Variants in PDK2 observed in about 807,000 individuals in gnomAD.
PDK2 encodes the protein pyruvate dehydrogenase kinase 2, also known as pyruvate dehydrogenase kinase, isozyme 2.
PDK2 carries 34 observed loss-of-function variants against 50.4 expected under a neutral mutation model. That is an observed-to-expected ratio of 0.68 (90% CI 0.51 to 0.90). The LOEUF (loss-of-function observed/expected upper bound fraction) is 0.90, where lower values mean the gene tolerates loss of function less well. PDK2 is among the 40% of genes least tolerant of loss of function. PDK2 has a pLI of 0.00. For missense variants in PDK2, 377 were observed against 544.5 expected (o/e 0.69, Z 3.06); for synonymous variants, 232 against 216.0 (o/e 1.07, Z -0.65).
chr17:50,095,781 C>T, intron 1 of PDK2: 1 of 1,372,276 alleles, frequency 7.3e-7, no homozygotes, highest in Admixed American at 3.2e-5. Flanking sequence ...CCCGAGGTTT[C>T]TTCGTGGGCC....
chr17:50,095,641 A>G lies in PDK2; in HGVS notation c.118+88A>G, dbSNP rs557967156. 3.3e-5 allele frequency: 50 copies of G among 1,501,148 alleles called. No homozygotes were observed. In the South Asian group the frequency reaches 5.6e-4, roughly 17 times the overall value. The allele number at this position is 1,501,148 out of a possible 1,614,324, so 93.0% of individuals were successfully genotyped here. A position where few individuals can be genotyped will look rare whatever the true frequency, so the allele number is the denominator to read the frequency against. On this transcript the variant is annotated intron_variant, in intron 1 of 10. Transcript: ENST00000503176. ...GGGGCTAGGGGGACGGAGGAGAAGA[A>G]AGGCCCCGAGTGACAGAGAAGGGTT... is the stretch of plus-strand genomic sequence containing the variant.
Position 50,108,359 on chromosome 17 carries a change from T to G in PDK2, c.803T>G (p.Leu268Arg), listed in dbSNP as rs745561096. ...RATVESHESS[L>R]ILPPIKVMVA... Reference sequence around the variant, plus strand: ...ACTGTGGAAAGCCATGAGTCCAGCCTCATTCTCCCACCCATCAAGGTCATG... The same window carrying G: ...ACTGTGGAAAGCCATGAGTCCAGCCGCATTCTCCCACCCATCAAGGTCATG... The change falls in exon 8 of 11, where the codon CTC becomes CGC. Residue 268 changes from leucine (L) to arginine (R), a missense_variant. Leu to Arg is a moderately radical substitution (Grantham distance 102). Coordinates refer to ENST00000503176, the MANE Select transcript of PDK2 (RefSeq NM_002611.5). 2 of 1,614,114 alleles carry G rather than the reference T, an allele frequency of 1.2e-6. No homozygotes were observed. Among genetic ancestry groups the G allele is most frequent in the East Asian group, 2.2e-5 (1 of 44,874 alleles).
Position 50,097,663 on chromosome 17 carries a change from G to A in PDK2, c.260+99G>A, listed in dbSNP as rs913528008. Reference sequence around the variant, plus strand: ...AAGCTTTTAGCAGCTTTGAGGGTGGGGTGGGGACAGACAGGAGACACCAAA... The same window carrying A: ...AAGCTTTTAGCAGCTTTGAGGGTGGAGTGGGGACAGACAGGAGACACCAAA... On this transcript the variant is annotated intron_variant, in intron 2 of 10. Coordinates refer to ENST00000503176, the MANE Select transcript of PDK2 (RefSeq NM_002611.5). 2.1e-6 allele frequency: 3 copies of A among 1,435,922 alleles called. No individual in the cohort carries two copies. The African/African-American group carries it at 4.2e-5, about 20-fold the overall frequency. The allele number at this position is 1,435,922 out of a possible 1,614,324, so 88.9% of individuals were successfully genotyped here.
chr17:50,101,468 GGGACACCGCCACCTCT>G lies in PDK2; in HGVS notation c.261-3902_261-3887del, dbSNP rs1476612146. ...TGCCTGGCTCAGAGGCTCCGGAGGC[GGGACACCGCCACCTCT>G]CCCCCAAGTGCAGCGAGCACCCTCC... On this transcript the variant is annotated intron_variant, in intron 2 of 10. Transcript: ENST00000503176. The surrounding 1 kb of genome is among the most constrained non-coding windows in gnomAD (Gnocchi z 4.2). 6.6e-6 allele frequency among the ~76,000 whole-genome samples: 1 copy of G among 152,102 alleles called. No individual in the cohort carries two copies. The highest frequency in any genetic ancestry group is 1.5e-5 in the Non-Finnish European group (1 of 67,998).
chr17:50,106,147 AC>A, intron 4 of PDK2, 78 bp downstream of exon 4: 1 of 1,545,674 alleles, frequency 6.5e-7, no homozygotes, highest in Non-Finnish European at 8.7e-7. Flanking sequence ...TGCTGAGGGG[AC>A]CTAGACCACT....
chr17:50,096,579 T>C (rs1332915302), intron 1 of PDK2, among the ~76,000 whole-genome samples: 8 of 152,126 alleles, frequency 5.3e-5, no homozygotes, highest in African/African-American at 1.9e-4. Flanking sequence ...TGCCTGAGTC[T>C]TGAGCCTCCC....
In PDK2 at chr17:50,108,223, G is replaced by A; in HGVS notation, c.753G>A (p.Glu251=). Residue 251 remains glutamate (E), a synonymous_variant, in exon 7 of 11, where the codon GAG becomes GAA. Coordinates refer to ENST00000503176, the MANE Select transcript of PDK2 (RefSeq NM_002611.5). ...CCCACCTCTACCACATGCTCTTTGA[G>A]CTCTTCAAGGTGAGGAGGCTGGGAG... ...VPSHLYHMLF[E]LFKNAMRATV... 4 of 1,598,638 alleles carry A rather than the reference G, an allele frequency of 2.5e-6. No individual in the cohort carries two copies. Among genetic ancestry groups the A allele is most frequent in the Admixed American group, 3.5e-5 (2 of 57,790 alleles).
chr17:50,105,360 C>T lies in PDK2; in HGVS notation c.261-11C>T, dbSNP rs1031484313. 3.8e-6 allele frequency: 6 copies of T among 1,592,034 alleles called. No homozygotes were observed. The highest frequency in any genetic ancestry group is 3.6e-5 in the Admixed American group (2 of 55,922). On this transcript the variant is annotated splice_polypyrimidine_tract_variant and intron_variant, in intron 2 of 10. Transcript: ENST00000503176. Reference sequence around the variant, plus strand: ...GAAGCTGAGGCTGTGTCCCCTCCCGCCCCCACACAGGTATGTCCAGAGCCT... The same window carrying T: ...GAAGCTGAGGCTGTGTCCCCTCCCGTCCCCACACAGGTATGTCCAGAGCCT...
At chr17:50,095,597 G>T in intron 1 of PDK2, 44 bp downstream of exon 1, 1 of 1,538,350 alleles carries the variant, frequency 6.5e-7, no homozygotes, top group Non-Finnish European at 8.9e-7. Context: ...GGCCGGCGGG[G>T]CGCTGGGAGG....
At chr17:50,105,260 G>A (rs1248745090) in intron 2 of PDK2, 111 bp from the exon 3 acceptor site, 5 of 627,206 alleles carry the variant, frequency 8.0e-6, no homozygotes, top group Middle Eastern at 3.8e-4. Flanking sequence ...CGGCAGCTCT[G>A]TGTGGGGCCC....
rs1266118914 is a variant in PDK2, at chr17:50,108,448, G to A, written c.861+31G>A. 4 of 1,556,094 alleles carry A rather than the reference G, an allele frequency of 2.6e-6. No homozygotes were observed. The African/African-American group carries it at 4.1e-5, about 16-fold the overall frequency. Reference sequence around the variant, plus strand: ...TGACCCTTTGACCTTGGGGACCAGGGAGCAGTAGTGGGGGCTTCCCTCCTG... The same window carrying A: ...TGACCCTTTGACCTTGGGGACCAGGAAGCAGTAGTGGGGGCTTCCCTCCTG... On this transcript the variant is annotated intron_variant, in intron 8 of 10. Coordinates refer to ENST00000503176, the MANE Select transcript of PDK2 (RefSeq NM_002611.5).
intron 6 of PDK2, 146 bp from the exon 7 acceptor site, chr17:50,108,010 C>T: frequency 1.5e-6 from 1 of 670,866 alleles, no homozygotes; most frequent in South Asian, 1.7e-5. Context: ...CCAGCTACCC[C>T]AGCTCAAGGG....
chr17:50,105,276 GGAGCAGGACAA>G, intron 2 of PDK2, 84 bp from the exon 3 acceptor site: 4 of 779,268 alleles, frequency 5.1e-6, no homozygotes, highest in Non-Finnish European at 5.8e-6. Flanking sequence ...GGCCCGCGTA[GGAGCAGGACAA>G]GAGCAAGGCC....
chr17:50,095,090 G>A (rs1314205064), upstream of PDK2, among the ~76,000 whole-genome samples: 1 of 152,208 alleles, frequency 6.6e-6, no homozygotes, highest in Non-Finnish European at 1.5e-5. Flanking sequence ...GAAGGAAGGG[G>A]TTAACCCGGG....
At chr17:50,099,816 A>G (rs1373244013) in intron 2 of PDK2, among the ~76,000 whole-genome samples, 31 of 152,380 alleles carry the variant, frequency 2.0e-4, no homozygotes, top group Middle Eastern at 3.4e-3. Flanking sequence ...AGAAAGATTC[A>G]GCTTAGAGGA....
chr17:50,103,059 G>A (rs1422611957), intron 2 of PDK2, among the ~76,000 whole-genome samples: 1 of 152,240 alleles, frequency 6.6e-6, no homozygotes, highest in Non-Finnish European at 1.5e-5. Flanking sequence ...GAGAGACCCT[G>A]TGTGGGACTC....
At chr17:50,095,663 G>C in intron 1 of PDK2, 110 bp downstream of exon 1, 1 of 1,483,540 alleles carries the variant, frequency 6.7e-7, no homozygotes, top group Non-Finnish European at 9.0e-7. Flanking sequence ...GACAGAGAAG[G>C]GTTGTTTGGA....
chr17:50,104,773 C>T (rs982127562), intron 2 of PDK2, among the ~76,000 whole-genome samples: 3 of 152,214 alleles, frequency 2.0e-5, no homozygotes, highest in African/African-American at 7.2e-5. Flanking sequence ...GGGTCCTTCC[C>T]ACCTGCCATT....
At position 50,105,455 on chromosome 17, in the gene PDK2, C is replaced by T. The variant is rs1204466125; in HGVS notation, c.332+13C>T. On this transcript the variant is annotated intron_variant, in intron 3 of 10. Coordinates refer to ENST00000503176, the MANE Select transcript of PDK2 (RefSeq NM_002611.5). ...GCACCCTGAGCCAGTGAGTGGGGGC[C>T]CTGGGTGGGGCAGGAAGGCAGGTGT... 6.2e-7 allele frequency: 1 copy of T among 1,611,494 alleles called. No homozygotes were observed. The highest frequency in any genetic ancestry group is 1.3e-5 in the African/African-American group (1 of 74,876).
Sources: gnomAD v4.1 joint callset for allele counts (sites outside exome capture counted in the v4.1 genomes callset) on GRCh38, gnomAD v4.1.1 for gene constraint, Gnocchi (gnomAD v3.1) non-coding constraint, MANE v1.5 for transcripts, NCBI Gene and HGNC (gene_info 2026-07-23, HGNC 2026-07-21) for gene names.